The following PDE1C variants were observed in gnomAD, a reference collection of about 807,000 sequenced individuals.
PDE1C encodes phosphodiesterase 1C.
PDE1C carries 62 observed loss-of-function variants against 93.1 expected under a neutral mutation model. That is an observed-to-expected ratio of 0.67 (90% confidence interval 0.54 to 0.82). The LOEUF (loss-of-function observed/expected upper bound fraction) is 0.82, where lower values mean the gene tolerates loss of function less well. Ranked by LOEUF, PDE1C falls within the 40% of genes least tolerant of loss-of-function variation. PDE1C has a pLI of 0.00. For synonymous variants in PDE1C, 325 were observed against 310.1 expected (o/e 1.05, Z -0.50); for missense variants, 742 against 884.6 (o/e 0.84, Z 2.04).
intron 5 of PDE1C, among the ~76,000 whole-genome samples, chr7:31,876,440 T>C (rs1045676772): frequency 3.3e-5 from 5 of 152,176 alleles, no homozygotes; most frequent in Non-Finnish European, 5.9e-5. Flanking sequence ...CTTTCTCAGT[T>C]ATTCTGCATA....
chr7:31,673,743 A>G, the PDE1C span, among the ~76,000 whole-genome samples: 1 of 151,616 alleles, frequency 6.6e-6, no homozygotes, highest in East Asian at 1.9e-4. Flanking sequence ...ATTGATATTC[A>G]GTTGTCTCAA....
chr7:32,163,512 T>A (rs1802044420), intron 3 of PDE1C, among the ~76,000 whole-genome samples: 1 of 152,192 alleles, frequency 6.6e-6, no homozygotes, highest in Non-Finnish European at 1.5e-5. Flanking sequence ...GAACATATTC[T>A]TAGTAAGCTA....
At chr7:32,077,463 T>G (rs1217227048) in intron 3 of PDE1C, among the ~76,000 whole-genome samples, 2 of 152,236 alleles carry the variant, frequency 1.3e-5, no homozygotes, top group African/African-American at 4.8e-5. Flanking sequence ...TTTCTTTCAG[T>G]TACATTTTGA....
At chr7:31,946,905 A>G (rs1806694173) in intron 2 of PDE1C, among the ~76,000 whole-genome samples, 1 of 152,174 alleles carries the variant, frequency 6.6e-6, no homozygotes, top group South Asian at 2.1e-4. Context: ...TTGAAGGCAG[A>G]ACACACTGTA....
rs148966499 is a variant in PDE1C, at chr7:31,861,778, T to C, written c.750+3164A>G. 1.3e-3 allele frequency among the ~76,000 whole-genome samples: 197 copies of C among 152,292 alleles called. 5 individuals are homozygous for C. The highest frequency in any genetic ancestry group is 4.6e-3 in the African/African-American group (190 of 41,570). ...CTTCTGCAGAATTTTCCTAGCAGGCTGCCTTAAAATCCATTCACCACAGTA... is the reference window on the plus strand; with the variant it reads ...CTTCTGCAGAATTTTCCTAGCAGGCCGCCTTAAAATCCATTCACCACAGTA... On this transcript the variant is annotated intron_variant, in intron 7 of 17. Transcript: ENST00000396191.
At chr7:31,692,703 T>C in the PDE1C span, among the ~76,000 whole-genome samples, 1 of 152,096 alleles carries the variant, frequency 6.6e-6, no homozygotes, top group Non-Finnish European at 1.5e-5. Context: ...GGGTCTGCCA[T>C]GTAAATATTA....
the PDE1C span, among the ~76,000 whole-genome samples, chr7:31,640,867 G>A: frequency 2.0e-5 from 3 of 152,062 alleles, no homozygotes; most frequent in Non-Finnish European, 4.4e-5. Flanking sequence ...AATCTCTCTA[G>A]GATTGAGCTA....
Position 32,243,898 on chromosome 7 carries a change from G to A in PDE1C, c.86-34359C>T, listed in dbSNP as rs539888549. ...AGACACAGGAGTTTCTGAACTGGCT[G>A]TAGAAAGAATGAAGCACATCTCAAA... is the stretch of plus-strand genomic sequence containing the variant. On this transcript the variant is annotated intron_variant, in intron 1 of 18. Transcript: ENST00000396193. 2.6e-5 allele frequency among the ~76,000 whole-genome samples: 4 copies of A among 152,322 alleles called. No homozygotes were observed. The East Asian group carries it at 7.7e-4, about 29-fold the overall frequency.
intron 2 of PDE1C, among the ~76,000 whole-genome samples, chr7:31,890,353 T>C (rs1798470667): frequency 6.6e-6 from 1 of 152,140 alleles, no homozygotes; most frequent in South Asian, 2.1e-4. Flanking sequence ...ACCAAAGAAA[T>C]GAGAAGAACT....
intron 2 of PDE1C, among the ~76,000 whole-genome samples, chr7:31,922,934 G>T (rs1802818507): frequency 6.6e-6 from 1 of 152,156 alleles, no homozygotes; most frequent in Admixed American, 6.5e-5. Flanking sequence ...AGAATTGGAA[G>T]CCTCTATCCT....
chr7:32,120,095 C>T (rs116726794), intron 3 of PDE1C, among the ~76,000 whole-genome samples: 1 of 152,200 alleles, frequency 6.6e-6, no homozygotes, highest in Admixed American at 6.5e-5. Context: ...AGGTGCCCCC[C>T]ACAGCCCCAC....
At chr7:31,874,137 G>A (rs746710823) in intron 5 of PDE1C, among the ~76,000 whole-genome samples, 1 of 152,056 alleles carries the variant, frequency 6.6e-6, no homozygotes, top group Non-Finnish European at 1.5e-5. Context: ...CCTCAAATCT[G>A]TTAGTCACTT....
chr7:31,822,772 G>A (rs1185643524), intron 14 of PDE1C, among the ~76,000 whole-genome samples: 4 of 152,074 alleles, frequency 2.6e-5, no homozygotes, highest in Admixed American at 6.6e-5. Flanking sequence ...AAGTGAAAAC[G>A]ACAAGATGTT....
chr7:32,364,551 C>T (rs910340597), intron 1 of PDE1C, among the ~76,000 whole-genome samples: 1 of 152,224 alleles, frequency 6.6e-6, no homozygotes, highest in Admixed American at 6.5e-5. Context: ...CAAACACCTA[C>T]AGCCCTTACT....
At chr7:31,836,679 G>T (rs1791154669) in intron 11 of PDE1C, among the ~76,000 whole-genome samples, 1 of 152,124 alleles carries the variant, frequency 6.6e-6, no homozygotes, top group Non-Finnish European at 1.5e-5. Context: ...ACTTAGGATG[G>T]AGTGAAGTTT....
intron 2 of PDE1C, among the ~76,000 whole-genome samples, chr7:32,208,333 A>G (rs893838667): frequency 1.2e-4 from 19 of 152,120 alleles, no homozygotes; most frequent in African/African-American, 4.6e-4. Flanking sequence ...TCAACCCTGC[A>G]TGAGGAATGC....
intron 1 of PDE1C, among the ~76,000 whole-genome samples, chr7:32,332,893 T>C (rs1783542616): frequency 6.6e-6 from 1 of 152,168 alleles, no homozygotes; most frequent in Non-Finnish European, 1.5e-5. Flanking sequence ...CCATGGTGAA[T>C]AGGCCTGAGC....
chr7:32,232,834 T>C (rs758446147), intron 1 of PDE1C, among the ~76,000 whole-genome samples: 7 of 152,144 alleles, frequency 4.6e-5, no homozygotes, highest in Non-Finnish European at 7.3e-5. Context: ...GAAAACAAAT[T>C]TGACATTCTA....
At chr7:31,987,437 G>A (rs34730538) in intron 2 of PDE1C, among the ~76,000 whole-genome samples, 20,364 of 152,158 alleles carry the variant, frequency 0.13, 1,654 homozygotes, top group South Asian at 0.19. Context: ...CTCAGGAGCA[G>A]TGGAGACCCA....
Sources: gnomAD v4.1 joint callset for allele counts (sites outside exome capture counted in the v4.1 genomes callset) on GRCh38, gnomAD v4.1.1 for gene constraint, MANE v1.5 for transcripts, NCBI Gene and HGNC (gene_info 2026-07-23, HGNC 2026-07-21) for gene names.